Variants in KIF11 observed in about 807,000 individuals in gnomAD.
The protein encoded by KIF11 is kinesin-like protein KIF11.
KIF11 carries 9 observed loss-of-function variants against 121.0 expected under a neutral mutation model. The ratio of observed to expected loss-of-function variants is 0.07; its 90% CI spans 0.04 to 0.13. The LOEUF is 0.13. Among genes scored for constraint, KIF11 ranks in the 10% least tolerant of loss-of-function variants. The pLI, the probability that KIF11 is intolerant of heterozygous loss-of-function variation, is 1.00. For synonymous variants in KIF11, 408 were observed against 421.0 expected, an observed-to-expected ratio of 0.97 and a Z score of 0.38; for missense variants, 846 against 1,217.5, an observed-to-expected ratio of 0.69 and a Z score of 4.54.
intron 1 of KIF11, among the ~76,000 whole-genome samples, chr10:92,599,868 G>A (rs1200662853): frequency 6.7e-6 from 1 of 149,130 alleles, no homozygotes; most frequent in Non-Finnish European, 1.5e-5. Flanking sequence ...GGCCAGGATG[G>A]TCTCGATCTC....
intron 16 of KIF11, 94 bp downstream of exon 16, chr10:92,637,639 A>T: frequency 7.9e-7 from 1 of 1,266,552 alleles, no homozygotes; most frequent in Non-Finnish European, 1.1e-6. Flanking sequence ...CAATCTGAAT[A>T]CTGTAAAAGC....
Position 92,618,800 on chromosome 10 carries a change from T to G in KIF11, c.1128+1968T>G. Among the ~76,000 whole-genome samples, 2 of 152,102 alleles carry G rather than the reference T, an allele frequency of 1.3e-5. 1 individual carries two copies. The highest frequency in any genetic ancestry group is 2.9e-5 in the Non-Finnish European group (2 of 68,016). On this transcript the variant is annotated intron_variant, in intron 9 of 21. Transcript: ENST00000260731. Reference sequence around the variant, plus strand: ...TGTATGTGTATTTAATTCTAGACAGTTTTGTCACATGTATAGGTTCATGTA... The same window carrying G: ...TGTATGTGTATTTAATTCTAGACAGGTTTGTCACATGTATAGGTTCATGTA...
intron 17 of KIF11, 142 bp from the exon 18 acceptor site, chr10:92,645,221 G>A: frequency 3.3e-6 from 2 of 599,208 alleles, no homozygotes; most frequent in South Asian, 2.2e-5. Context: ...TCTCAATGCA[G>A]AAGATTTACT....
intron 10 of KIF11, among the ~76,000 whole-genome samples, chr10:92,626,110 C>T (rs1194136801): frequency 6.6e-6 from 1 of 152,160 alleles, no homozygotes; most frequent in Non-Finnish European, 1.5e-5. Context: ...GCCCAAATAG[C>T]CAAAGCAGTC....
At chr10:92,634,146 G>A (rs1261265118) in intron 14 of KIF11, among the ~76,000 whole-genome samples, 1 of 151,842 alleles carries the variant, frequency 6.6e-6, no homozygotes, top group Admixed American at 6.6e-5. Flanking sequence ...ACCACACCCG[G>A]CTAATTTTTT....
chr10:92,653,289 TACTC>T (rs1326051673), intron 21 of KIF11, among the ~76,000 whole-genome samples: 7 of 152,148 alleles, frequency 4.6e-5, no homozygotes, highest in Non-Finnish European at 2.9e-5. Flanking sequence ...ACTATGTGAA[TACTC>T]ACTCAAAGCC....
chr10:92,645,950 CTTTT>C (rs33915127), intron 18 of KIF11, among the ~76,000 whole-genome samples: 4 of 101,728 alleles, frequency 3.9e-5, no homozygotes, highest in African/African-American at 8.6e-5. Flanking sequence ...CTTATATATG[CTTTT>C]TTTTTTTTTT....
chr10:92,607,315 G>C (rs1434258880), intron 4 of KIF11, 78 bp downstream of exon 4: 1 of 788,918 alleles, frequency 1.3e-6, no homozygotes, highest in Non-Finnish European at 2.1e-6. Context: ...GAGGGCCTCT[G>C]TCTTGGAATA....
At chr10:92,598,288 G>A (rs1473325149) in intron 1 of KIF11, among the ~76,000 whole-genome samples, 1 of 152,152 alleles carries the variant, frequency 6.6e-6, no homozygotes, top group African/African-American at 2.4e-5. Flanking sequence ...TGTTAGATAA[G>A]GGTCCAACCT....
At position 92,630,170 on chromosome 10, in the gene KIF11, AT is replaced by A. The variant is rs1278652068; in HGVS notation, c.1306-3del. 4.1e-6 allele frequency: 6 copies of A among 1,455,082 alleles called. No individual in the cohort carries two copies. Among genetic ancestry groups the A allele is most frequent in the Non-Finnish European group, 5.5e-6 (6 of 1,083,368 alleles). The allele number at this position is 1,455,082 out of a possible 1,614,324, so 90.1% of individuals were successfully genotyped here. On this transcript the variant is annotated splice_polypyrimidine_tract_variant and splice_region_variant and intron_variant, in intron 11 of 21. Transcript: ENST00000260731. ...AGCTCAGCGTTTTTTAAATTCTTATATTTAGGTTACAGAGTTGTTTATGGAT... is the reference window on the plus strand; with the variant it reads ...AGCTCAGCGTTTTTTAAATTCTTATATTAGGTTACAGAGTTGTTTATGGAT...
Position 92,609,127 on chromosome 10 carries a change from T to C in KIF11, c.495T>C (p.Asn165=). Residue 165 remains asparagine, a synonymous_variant, in exon 5 of 22, where the codon AAT becomes AAC. Coordinates refer to ENST00000260731, the MANE Select transcript of KIF11 (RefSeq NM_004523.4). ...SVKVSLLEIY[N]EELFDLLNPS... ...AAGTGTCTCTGTTGGAGATCTATAA[T>C]GAAGAGCTTTTTGATCTTCTTAATC... The C allele has an allele frequency of 1.2e-6, 2 of 1,607,262 alleles. No individual in the cohort carries two copies. Among genetic ancestry groups the C allele is most frequent in the Non-Finnish European group, 1.7e-6 (2 of 1,176,382 alleles).
intron 12 of KIF11, among the ~76,000 whole-genome samples, chr10:92,631,597 A>G (rs1284585347): frequency 6.6e-6 from 1 of 150,494 alleles, no homozygotes; most frequent in Admixed American, 6.6e-5. Context: ...TCCTGACCTC[A>G]TGATCCACCC....
chr10:92,595,542 A>G (rs939917037), intron 1 of KIF11, among the ~76,000 whole-genome samples: 3 of 151,850 alleles, frequency 2.0e-5, no homozygotes, highest in African/African-American at 7.3e-5. Context: ...TCCATCCCCT[A>G]TTTTTTTCCC....
In KIF11 at chr10:92,637,403, A is replaced by T. The variant is rs1235363221; in HGVS notation, c.2018A>T (p.Lys673Met). The T allele has an allele frequency of 1.2e-5, 19 of 1,578,596 alleles. No homozygotes were observed. The African/African-American group carries it at 2.6e-4, about 22-fold the overall frequency. Reference protein sequence around the residue: ...TVADKIEDQKKELDGFLSILC... With the variant: ...TVADKIEDQKMELDGFLSILC... ...TCTTCAAAGATAGAAGATCAAAAAA[A>T]GGAACTAGATGGCTTTCTCAGTATA... The change falls in exon 16 of 22, where the codon AAG becomes ATG. Residue 673 changes from lysine to methionine, a missense_variant. This residue lies in a region of KIF11 where 492 missense variants were observed against 603.4 expected (regional missense o/e 0.82). Coordinates refer to ENST00000260731, the MANE Select transcript of KIF11 (RefSeq NM_004523.4).
chr10:92,593,199 A>G lies in KIF11; in HGVS notation c.-177A>G, dbSNP rs1844249996. 2 of 570,560 alleles carry G rather than the reference A, an allele frequency of 3.5e-6. No individual in the cohort carries two copies. The highest frequency in any genetic ancestry group is 4.5e-5 in the South Asian group (2 of 44,308). The allele number at this position is 570,560 out of a possible 1,614,324, so 35.3% of individuals were successfully genotyped here. A position where few individuals can be genotyped will look rare whatever the true frequency, so the allele number is the denominator to read the frequency against. ...CTCCGACTGGCGCGGGACAAACGCCACGGCCAGAGTACCGGGTAGAGAGCG... is the reference window on the plus strand; with the variant it reads ...CTCCGACTGGCGCGGGACAAACGCCGCGGCCAGAGTACCGGGTAGAGAGCG... On this transcript the variant is annotated 5_prime_UTR_variant, in exon 1 of 22. Transcript: ENST00000260731.
At position 92,606,378 on chromosome 10, in the gene KIF11, AAAC is replaced by A; in HGVS notation, c.193_195del (p.Thr65del). 1.2e-6 allele frequency: 2 copies of A among 1,609,522 alleles called. No homozygotes were observed. The highest frequency in any genetic ancestry group is 1.7e-6 in the Non-Finnish European group (2 of 1,178,860). On this transcript the variant is annotated inframe_deletion, in exon 2 of 22. Transcript: ENST00000260731. ...GGATTGGCTGACAAGAGCTCAAGGAAAACATACACTTTTGATATGGTAACATAT... is the reference window on the plus strand; with the variant it reads ...GGATTGGCTGACAAGAGCTCAAGGAAATACACTTTTGATATGGTAACATAT...
intron 17 of KIF11, among the ~76,000 whole-genome samples, chr10:92,641,852 TTTG>T (rs1449623692): frequency 6.6e-6 from 1 of 152,204 alleles, no homozygotes; most frequent in Non-Finnish European, 1.5e-5. Flanking sequence ...ATATATTCTC[TTTG>T]TTGTTCACAT....
chr10:92,611,116 A>G (rs1030168477), intron 6 of KIF11, among the ~76,000 whole-genome samples: 30 of 152,146 alleles, frequency 2.0e-4, no homozygotes, highest in African/African-American at 7.0e-4. Context: ...GTTTTCCCAA[A>G]TTAGAGCTAA....
At chr10:92,628,049 G>A (rs1205236577) in intron 10 of KIF11, among the ~76,000 whole-genome samples, 1 of 152,196 alleles carries the variant, frequency 6.6e-6, no homozygotes, top group East Asian at 1.9e-4. Flanking sequence ...TGGAAGTGGT[G>A]TTGGGGGACT....
Sources: allele counts gnomAD v4.1 joint callset (sites outside exome capture counted in the v4.1 genomes callset), GRCh38; gene constraint gnomAD v4.1.1; regional missense constraint gnomAD v4.1.1; transcripts MANE v1.5; gene names NCBI Gene and HGNC (gene_info 2026-07-23, HGNC 2026-07-21).